CNKSR2: variants seen among roughly 807,000 people sequenced by gnomAD.
The protein encoded by CNKSR2 is CNK homolog protein 2.
A neutral mutation model predicts 84.4 loss-of-function variants in CNKSR2; 14 were observed. The observed-to-expected ratio is 0.17, with a 90% confidence interval of 0.11 to 0.26. CNKSR2 has a LOEUF of 0.26. Among genes scored for constraint, CNKSR2 ranks in the 10% least tolerant of loss-of-function variants. CNKSR2 has a pLI of 1.00. For synonymous variants in CNKSR2, 275 were observed against 277.9 expected, an observed-to-expected ratio of 0.99 and a Z score of 0.10; for missense variants, 485 against 771.2, an observed-to-expected ratio of 0.63 and a Z score of 4.40.
intron 4 of CNKSR2, among the ~76,000 whole-genome samples, chrX:21,445,740 T>G (rs921112832): frequency 6.2e-5 from 7 of 112,075 alleles, no homozygotes; most frequent in African/African-American, 2.3e-4. Context: ...TAACATAATA[T>G]CCTTTAGACT....
chrX:21,537,103 T>A (rs193114424), intron 11 of CNKSR2, among the ~76,000 whole-genome samples: 1 of 111,124 alleles, frequency 9.0e-6, no homozygotes, highest in Non-Finnish European at 1.9e-5. Flanking sequence ...TTTTTTAATT[T>A]CCTTTTTAAT....
chrX:21,529,410 A>G (rs1211240273), intron 10 of CNKSR2, among the ~76,000 whole-genome samples: 2 of 111,139 alleles, frequency 1.8e-5, no homozygotes, highest in Non-Finnish European at 3.8e-5. Context: ...TTTCTATGAT[A>G]AAAATGTAGA....
chrX:21,390,933 C>T (rs2090040562), intron 1 of CNKSR2, among the ~76,000 whole-genome samples: 1 of 111,790 alleles, frequency 8.9e-6, no homozygotes, highest in Admixed American at 9.4e-5. Flanking sequence ...GAGAAATCAG[C>T]CAAAAGAAAG....
intron 8 of CNKSR2, among the ~76,000 whole-genome samples, chrX:21,513,019 T>A (rs1277094263): frequency 8.9e-6 from 1 of 112,073 alleles, no homozygotes; most frequent in East Asian, 2.8e-4. Context: ...TTTGTAAGAA[T>A]GAAAATATAA....
At chrX:21,406,212 T>C (rs944224490) in intron 1 of CNKSR2, among the ~76,000 whole-genome samples, 2 of 111,370 alleles carry the variant, frequency 1.8e-5, no homozygotes, top group African/African-American at 6.5e-5. Context: ...GGATCTAGGT[T>C]GTGCACTTCT....
chrX:21,411,081 G>A (rs1378256609), intron 1 of CNKSR2, among the ~76,000 whole-genome samples: 1 of 111,114 alleles, frequency 9.0e-6, no homozygotes. Context: ...AGATGCATAT[G>A]TCTGAATTAA....
chrX:21,503,040 T>G (rs1325721394), intron 8 of CNKSR2, among the ~76,000 whole-genome samples: 9 of 111,502 alleles, frequency 8.1e-5, no homozygotes, highest in Non-Finnish European at 5.7e-5. Context: ...CAGCATGCAT[T>G]TCCAGATGGT....
intron 9 of CNKSR2, among the ~76,000 whole-genome samples, chrX:21,519,256 A>C (rs1221744151): frequency 1.8e-5 from 2 of 111,207 alleles, no homozygotes; most frequent in African/African-American, 6.5e-5. Context: ...AAACTAGTCA[A>C]AATTTTTATA....
At chrX:21,463,825 C>T (rs908141543) in intron 4 of CNKSR2, among the ~76,000 whole-genome samples, 1 of 110,970 alleles carries the variant, frequency 9.0e-6, no homozygotes. Flanking sequence ...TATCCCAAGA[C>T]GCAAACAAAG....
At chrX:21,630,609 A>G (rs1300115677) in intron 20 of CNKSR2, among the ~76,000 whole-genome samples, 1 of 111,420 alleles carries the variant, frequency 9.0e-6, no homozygotes, top group African/African-American at 3.3e-5. Flanking sequence ...AGCAGAGTGA[A>G]CACTCTTAAT....
At chrX:21,509,323 G>C (rs2091646856) in intron 8 of CNKSR2, among the ~76,000 whole-genome samples, 2 of 111,693 alleles carry the variant, frequency 1.8e-5, no homozygotes, top group South Asian at 3.7e-4. Flanking sequence ...ATGAAGAATG[G>C]CTCAATGAAT....
rs748042566 is a variant in CNKSR2, at chrX:21,563,252, C to T, written c.1408C>T (p.Arg470Trp). The change falls in exon 13 of 22, where the codon CGG (arginine) becomes TGG (tryptophan). Residue 470 changes from arginine to tryptophan, a missense_variant. Physicochemically the swap from Arg to Trp is moderately radical, Grantham distance 101 (BLOSUM62 -3). Transcript: ENST00000379510. Reference protein sequence around the residue: ...RDSRRENSLLRYMSNEKIAQE... With the variant: ...RDSRRENSLLWYMSNEKIAQE... ...TTTTTATATAGAAAACTCTCTACTT[C>T]GGTATATGAGCAATGAAAAGATTGC... The T allele has an allele frequency of 4.2e-6, 5 of 1,201,230 alleles. No individual in the cohort carries two copies. Among genetic ancestry groups the T allele is most frequent in the Non-Finnish European group, 5.6e-6 (5 of 888,492 alleles).
At chrX:21,526,616 G>T (rs1406852986) in intron 9 of CNKSR2, among the ~76,000 whole-genome samples, 1 of 111,160 alleles carries the variant, frequency 9.0e-6, no homozygotes, top group Non-Finnish European at 1.9e-5. Context: ...TAGTATTTCA[G>T]TGTTTATGCC....
intron 11 of CNKSR2, chrX:21,538,479 G>A (rs933052187): frequency 4.5e-5 from 5 of 111,775 alleles, no homozygotes; most frequent in Non-Finnish European, 7.5e-5. Context: ...ATGGTATATC[G>A]CTTGCAAAAC....
intron 18 of CNKSR2, among the ~76,000 whole-genome samples, chrX:21,602,708 A>C (rs2147271234): frequency 8.9e-6 from 1 of 112,036 alleles, no homozygotes; most frequent in South Asian, 3.8e-4. Flanking sequence ...TAAAAGGAAT[A>C]AAACAGTTCT....
chrX:21,587,742 A>T (rs1044752133), intron 13 of CNKSR2, among the ~76,000 whole-genome samples: 6 of 111,755 alleles, frequency 5.4e-5, no homozygotes, highest in Admixed American at 1.9e-4. Context: ...GAGATTATTT[A>T]TGTCCATTAT....
chrX:21,511,657 A>C (rs1326369910), intron 8 of CNKSR2, among the ~76,000 whole-genome samples: 1 of 111,274 alleles, frequency 9.0e-6, no homozygotes, highest in Non-Finnish European at 1.9e-5. Flanking sequence ...GATACAGCTA[A>C]AGAGAAAAGC....
At chrX:21,525,954 A>G (rs984743025) in intron 9 of CNKSR2, among the ~76,000 whole-genome samples, 54 of 111,256 alleles carry the variant, frequency 4.9e-4, no homozygotes, top group African/African-American at 1.7e-3. Context: ...TAAGATAAAC[A>G]TAAAACTTGT....
At chrX:21,611,091 G>A (rs1047108958) in intron 20 of CNKSR2, among the ~76,000 whole-genome samples, 6 of 112,016 alleles carry the variant, frequency 5.4e-5, no homozygotes, top group Non-Finnish European at 1.1e-4. Context: ...ATCTATCAGA[G>A]TTTATGGAAG....
Sources: allele counts gnomAD v4.1 joint callset (sites outside exome capture counted in the v4.1 genomes callset), GRCh38; gene constraint gnomAD v4.1.1; transcripts MANE v1.5; gene names NCBI Gene and HGNC (gene_info 2026-07-23, HGNC 2026-07-21).